The following ERC2 variants were observed in gnomAD, a reference collection of about 807,000 sequenced individuals.
ERC2 encodes ELKS/RAB6-interacting/CAST family member 2, also known as ERC protein 2.
ERC2 carries 42 observed loss-of-function variants against 114.8 expected under a neutral mutation model. That is an observed-to-expected ratio of 0.37 (90% CI 0.29 to 0.47). The LOEUF (loss-of-function observed/expected upper bound fraction) is 0.47, where lower values mean the gene tolerates loss of function less well. Among genes scored for constraint, ERC2 ranks in the 20% least tolerant of loss-of-function variants. The pLI is 0.99. For synonymous variants in ERC2, 454 were observed against 425.5 expected (o/e 1.07, Z -0.82); for missense variants, 939 against 1,150.7 (o/e 0.82, Z 2.66).
intron 3 of ERC2, among the ~76,000 whole-genome samples, chr3:56,188,480 G>A (rs1371224037): frequency 6.6e-6 from 1 of 152,182 alleles, no homozygotes; most frequent in African/African-American, 2.4e-5. Flanking sequence ...AGGAGCAGAG[G>A]GCGGCTCCTA....
intron 2 of ERC2, among the ~76,000 whole-genome samples, chr3:56,328,754 G>T (rs1006645238): frequency 2.0e-5 from 3 of 152,036 alleles, no homozygotes; most frequent in African/African-American, 4.8e-5. Flanking sequence ...AACACCCAAG[G>T]TCACACACAA....
intron 3 of ERC2, among the ~76,000 whole-genome samples, chr3:56,270,410 AT>A (rs1368260626): frequency 6.6e-6 from 1 of 152,162 alleles, no homozygotes; most frequent in Non-Finnish European, 1.5e-5. Context: ...TAAATATTAA[AT>A]TCTAGTTTTT....
intron 17 of ERC2, among the ~76,000 whole-genome samples, chr3:55,524,193 C>T (rs2053154292): frequency 6.6e-6 from 1 of 152,214 alleles, no homozygotes; most frequent in African/African-American, 2.4e-5. Flanking sequence ...CTCGCCCATA[C>T]AGCAGAGAGC....
intron 3 of ERC2, among the ~76,000 whole-genome samples, chr3:56,212,794 TACACACAC>T (rs148746898): frequency 7.0e-6 from 1 of 143,424 alleles, no homozygotes; most frequent in Non-Finnish European, 1.5e-5. Flanking sequence ...CATATACATA[TACACACAC>T]ACACACACAC....
At chr3:55,864,243 A>G (rs942388247) in intron 14 of ERC2, among the ~76,000 whole-genome samples, 4 of 148,340 alleles carry the variant, frequency 2.7e-5, no homozygotes, top group African/African-American at 4.9e-5. Flanking sequence ...GTGTGTGTGT[A>G]TATATGTATA....
Position 56,010,537 on chromosome 3 carries a change from C to T in ERC2, c.1832G>A (p.Arg611Lys), listed in dbSNP as rs267599909. 1.2e-5 allele frequency: 20 copies of T among 1,613,668 alleles called. No individual in the cohort carries two copies. Among genetic ancestry groups the T allele is most frequent in the Non-Finnish European group, 1.6e-5 (19 of 1,179,728 alleles). Residue 611 changes from arginine (R) to lysine (K), a missense_variant, in exon 9 of 18, where the codon AGA becomes AAA. By Grantham distance (26) the Arg-to-Lys change is conservative (BLOSUM62 2). This residue lies in a region of ERC2 where 149 missense variants were observed against 254.6 expected (regional missense o/e 0.59). Transcript: ENST00000288221. ...KEQRERDDRERLEEIESFRKE... is the reference protein window; with the variant it reads ...KEQRERDDREKLEEIESFRKE... ...TCGGAAGGATTCTATCTCTTCTAGT[C>T]TTTCCCGATCATCTCTTTCTCGCTG...
At chr3:56,129,334 A>G (rs1181011309) in intron 6 of ERC2, among the ~76,000 whole-genome samples, 1 of 152,222 alleles carries the variant, frequency 6.6e-6, no homozygotes, top group Non-Finnish European at 1.5e-5. Context: ...AATGGAGGGA[A>G]GTGTGACAAA....
intron 14 of ERC2, among the ~76,000 whole-genome samples, chr3:55,740,130 C>T (rs2065890815): frequency 6.6e-6 from 1 of 152,202 alleles, no homozygotes; most frequent in East Asian, 1.9e-4. Flanking sequence ...ATTTCTAATT[C>T]TCACTTTACT....
At chr3:56,268,071 C>T (rs2053436475) in intron 3 of ERC2, among the ~76,000 whole-genome samples, 1 of 152,116 alleles carries the variant, frequency 6.6e-6, no homozygotes, top group African/African-American at 2.4e-5. Context: ...AATGTACAGT[C>T]AATTCCTGCA....
intron 17 of ERC2, among the ~76,000 whole-genome samples, chr3:55,520,175 A>G (rs673491): frequency 0.71 from 108,022 of 152,046 alleles, 39,589 homozygotes; most frequent in African/African-American, 0.88. Context: ...AAAGGCAGCC[A>G]GGCGCAGTGG....
chr3:56,079,147 T>C (rs557952645), intron 7 of ERC2, among the ~76,000 whole-genome samples: 18 of 152,170 alleles, frequency 1.2e-4, no homozygotes, highest in African/African-American at 4.1e-4. Context: ...GTAATTACAT[T>C]AAAAAAAGTA....
At chr3:55,568,079 T>G (rs2056485067) in intron 17 of ERC2, among the ~76,000 whole-genome samples, 1 of 152,220 alleles carries the variant, frequency 6.6e-6, no homozygotes, top group South Asian at 2.1e-4. Flanking sequence ...AGTTATTATT[T>G]TATTTTATAG....
intron 17 of ERC2, among the ~76,000 whole-genome samples, chr3:55,611,350 G>A (rs553721474): frequency 6.6e-6 from 1 of 152,174 alleles, no homozygotes; most frequent in East Asian, 1.9e-4. Flanking sequence ...AGCTGGCTGA[G>A]ACCAGCCCAG....
chr3:56,458,232 G>A (rs1043243924), intron 1 of ERC2, among the ~76,000 whole-genome samples: 7 of 152,146 alleles, frequency 4.6e-5, no homozygotes, highest in Non-Finnish European at 1.0e-4. Flanking sequence ...AGAAACTGTT[G>A]TAAAAATATA....
intron 2 of ERC2, among the ~76,000 whole-genome samples, chr3:56,322,486 C>T (rs1006291912): frequency 1.2e-4 from 19 of 152,162 alleles, no homozygotes; most frequent in Non-Finnish European, 2.8e-4. Context: ...CAAGAGACCA[C>T]GCCACTGCCA....
chr3:55,520,245 G>A (rs1464850734), intron 17 of ERC2, among the ~76,000 whole-genome samples: 10 of 151,740 alleles, frequency 6.6e-5, no homozygotes, highest in Non-Finnish European at 1.5e-4. Context: ...CTGAGAGCCT[G>A]GCCAACGTGG....
chr3:55,766,908 A>C (rs1294475529), intron 14 of ERC2: 1 of 152,290 alleles, frequency 6.6e-6, no homozygotes, highest in East Asian at 1.9e-4. Flanking sequence ...TACTTGCCTG[A>C]TTTCCCATGC....
At chr3:55,790,019 C>G (rs947513153) in intron 14 of ERC2, among the ~76,000 whole-genome samples, 1 of 152,174 alleles carries the variant, frequency 6.6e-6, no homozygotes, top group East Asian at 1.9e-4. Flanking sequence ...AACTGTCAGT[C>G]CTTCCCTCCA....
At chr3:56,335,582 G>A (rs537410665) in intron 2 of ERC2, among the ~76,000 whole-genome samples, 70 of 152,240 alleles carry the variant, frequency 4.6e-4, no homozygotes, top group African/African-American at 1.6e-3. Flanking sequence ...ATGCAATATC[G>A]TGGGCAGGAC....
Sources: gnomAD v4.1 joint callset for allele counts (sites outside exome capture counted in the v4.1 genomes callset) on GRCh38, gnomAD v4.1.1 for gene constraint, gnomAD v4.1.1 regional missense constraint, MANE v1.5 for transcripts, NCBI Gene and HGNC (gene_info 2026-07-23, HGNC 2026-07-21) for gene names.